ZNF728: variants seen among roughly 807,000 people sequenced by gnomAD.
ZNF728 encodes the protein zinc finger protein 728.
ZNF728 carries 12 observed loss-of-function variants against 12.5 expected under a neutral mutation model. The ratio of observed to expected loss-of-function variants is 0.96; its 90% CI spans 0.61 to 1.55. The LOEUF is 1.55. Ranked by LOEUF, ZNF728 falls within the 40% of genes most tolerant of loss-of-function variation. The probability of loss-of-function intolerance (pLI) is 0.00; values close to 1 mark genes in which losing one functional copy is unlikely to be tolerated. For missense variants in ZNF728, 692 were observed against 719.2 expected (o/e 0.96, Z 0.43); for synonymous variants, 205 against 240.7 (o/e 0.85, Z 1.37).
intron 2 of ZNF728, 72 bp downstream of exon 2, chr19:22,988,253 A>C (rs1203265885): frequency 3.1e-6 from 5 of 1,609,104 alleles, no homozygotes; most frequent in Non-Finnish European, 4.2e-6. Context: ...TCCTTTGTCC[A>C]GGCCAATAAA....
chr19:22,983,545 A>G (rs1968882688), intron 3 of ZNF728, among the ~76,000 whole-genome samples: 1 of 152,196 alleles, frequency 6.6e-6, no homozygotes, highest in African/African-American at 2.4e-5. Context: ...TACTATAAAG[A>G]CACATGCATG....
chr19:22,988,195 C>A lies in ZNF728; in HGVS notation c.130+130G>T, dbSNP rs1440948022. 3.3e-6 allele frequency: 5 copies of A among 1,519,880 alleles called. 1 individual carries two copies. The South Asian group carries it at 6.5e-5, about 20-fold the overall frequency. 94.1% of individuals were successfully genotyped at this position (1,519,880 alleles called of 1,614,324 possible). A position where few individuals can be genotyped will look rare whatever the true frequency, so the allele number is the denominator to read the frequency against. On this transcript the variant is annotated intron_variant, in intron 2 of 3. Transcript: ENST00000594710. ...CTAGAAGCAAAGAGCCCCCTGGTGC[C>A]GTCTTCCAAATATACTCTTTTGTCT...
chr19:22,997,501 C>T lies in ZNF728; in HGVS notation c.3+5527G>A, dbSNP rs991209365. ...ACAAAATACCAGAATCCCTGCAATA[C>T]AGCTAAGGCAGTGTTAAAAGAAAAA... On this transcript the variant is annotated intron_variant, in intron 1 of 3. Transcript: ENST00000594710. 1.6e-4 allele frequency among the ~76,000 whole-genome samples: 25 copies of T among 152,144 alleles called. 1 individual carries two copies. The highest frequency in any genetic ancestry group is 6.0e-4 in the African/African-American group (25 of 41,436).
At chr19:23,001,994 G>A (rs968794206) in intron 1 of ZNF728, among the ~76,000 whole-genome samples, 4 of 152,150 alleles carry the variant, frequency 2.6e-5, no homozygotes, top group African/African-American at 7.2e-5. Flanking sequence ...AGACTGAGGA[G>A]GCTGTAGTTC....
chr19:22,986,829 T>G (rs1280798765), intron 3 of ZNF728, among the ~76,000 whole-genome samples: 2 of 152,000 alleles, frequency 1.3e-5, no homozygotes, highest in African/African-American at 4.8e-5. Context: ...ACTTTATAAT[T>G]TCAAACTATA....
Position 22,976,344 on chromosome 19 carries a change from C to T in ZNF728, c.993G>A (p.Lys331=). 6.2e-7 allele frequency: 1 copy of T among 1,613,268 alleles called. No individual in the cohort carries two copies. The highest frequency in any genetic ancestry group is 8.5e-7 in the Non-Finnish European group (1 of 1,179,902). ...AGGGCTTCTCTCCAGTATGAATTCT[C>T]TTATGTTCCATAAGGTTTGAGGACC... The part of the protein sequence containing the change: ...FNRSSNLMEH[K]RIHTGEKPCK... The change falls in exon 4 of 4, where the codon AAG becomes AAA. Residue 331 remains lysine, a synonymous_variant. Coordinates refer to ENST00000594710, the MANE Select transcript of ZNF728 (RefSeq NM_001267716.2).
At chr19:22,987,142 G>C (rs552668451) in intron 3 of ZNF728, among the ~76,000 whole-genome samples, 166 bp downstream of exon 3, 1 of 152,212 alleles carries the variant, frequency 6.6e-6, no homozygotes, top group African/African-American at 2.4e-5. Context: ...AAAAGCATAA[G>C]ACAGAAGATG....
intron 1 of ZNF728, among the ~76,000 whole-genome samples, chr19:22,990,082 G>GA (rs545787005): frequency 3.3e-5 from 5 of 151,958 alleles, no homozygotes; most frequent in Admixed American, 6.6e-5. Context: ...CTGGTATATA[G>GA]AAAAAAATAT....
chr19:23,002,019 T>A (rs959489269), intron 1 of ZNF728, among the ~76,000 whole-genome samples: 1 of 152,128 alleles, frequency 6.6e-6, no homozygotes, highest in Non-Finnish European at 1.5e-5. Flanking sequence ...TTTCTACTTT[T>A]AAAAAATCTA....
At chr19:22,987,245 G>C (rs1968926061) in intron 3 of ZNF728, 63 bp downstream of exon 3, 1 of 1,473,584 alleles carries the variant, frequency 6.8e-7, no homozygotes, top group Non-Finnish European at 9.2e-7. Flanking sequence ...ATCACTTTAA[G>C]GACTGGCTTT....
chr19:22,976,403 AGG>A lies in ZNF728; in HGVS notation c.932_933del (p.Pro311LeufsTer4). The A allele has an allele frequency of 6.2e-7, 1 of 1,613,286 alleles. No homozygotes were observed. Among genetic ancestry groups the A allele is most frequent in the Non-Finnish European group, 8.5e-7 (1 of 1,179,932 alleles). On this transcript the variant is annotated frameshift_variant, in exon 4 of 4. Transcript: ENST00000594710. LOFTEE classifies it low-confidence loss of function (END_TRUNC). ...GCTTTGCCACATTCTTCACATTTGT[AGG>A]GTTTCTCTCCAGCATGAATTGTCTT... ...AHKTIHAGEK[P>X]YKCEECGKAF...
At chr19:23,000,295 G>A (rs565444274) in intron 1 of ZNF728, among the ~76,000 whole-genome samples, 2 of 151,466 alleles carry the variant, frequency 1.3e-5, no homozygotes, top group Admixed American at 6.6e-5. Flanking sequence ...GGAGAATGGC[G>A]TAAACCCTGG....
At chr19:22,982,718 G>C (rs892892467) in intron 3 of ZNF728, among the ~76,000 whole-genome samples, 1 of 151,928 alleles carries the variant, frequency 6.6e-6, no homozygotes, top group Non-Finnish European at 1.5e-5. Flanking sequence ...CAGATCTACA[G>C]CCATCTGATC....
At chr19:22,978,274 A>G (rs992572671) in intron 3 of ZNF728, among the ~76,000 whole-genome samples, 10 of 151,380 alleles carry the variant, frequency 6.6e-5, no homozygotes, top group South Asian at 2.1e-4. Flanking sequence ...ACAGGCCAGA[A>G]GAGAACTGTG....
chr19:22,997,145 C>T (rs1969058629), intron 1 of ZNF728, among the ~76,000 whole-genome samples: 1 of 152,088 alleles, frequency 6.6e-6, no homozygotes, highest in Admixed American at 6.6e-5. Context: ...CAACACTTGA[C>T]CAAATAGTCC....
At chr19:22,998,445 C>T (rs289287) in intron 1 of ZNF728, among the ~76,000 whole-genome samples, 51,044 of 151,904 alleles carry the variant, frequency 0.34, 11,926 homozygotes, top group African/African-American at 0.67. Context: ...TAGAAGAGGA[C>T]TGCTTGAGCC....
chr19:22,986,636 A>C (rs1470593491), intron 3 of ZNF728, among the ~76,000 whole-genome samples: 1 of 152,148 alleles, frequency 6.6e-6, no homozygotes, highest in African/African-American at 2.4e-5. Flanking sequence ...ATCGATTCAA[A>C]GAATAAATGT....
chr19:22,989,656 A>G (rs1358649462), intron 1 of ZNF728, among the ~76,000 whole-genome samples: 3 of 152,234 alleles, frequency 2.0e-5, no homozygotes, highest in Admixed American at 6.5e-5. Context: ...AAGGTAAATT[A>G]TAGTCTGAAT....
Position 22,988,344 on chromosome 19 carries a change from G to A in ZNF728, c.111C>T (p.Tyr37=), listed in dbSNP as rs531632206. ...TCTCACCCAGGAAGACCAGGTTTCT[G>A]TAGTTCTCTAACATCACATTCCTAT... The part of the protein sequence containing the change: ...NLYRNVMLEN[Y]RNLVFLGIAA... Residue 37 remains tyrosine, a synonymous_variant, in exon 2 of 4, where the codon TAC becomes TAT. Transcript: ENST00000594710. The A allele has an allele frequency of 2.5e-5, 41 of 1,614,152 alleles. 2 individuals carry two copies. The highest frequency in any genetic ancestry group is 2.5e-4 in the South Asian group (23 of 91,088).
Sources: allele counts gnomAD v4.1 joint callset (sites outside exome capture counted in the v4.1 genomes callset), GRCh38; gene constraint gnomAD v4.1.1; transcripts MANE v1.5; gene names NCBI Gene and HGNC (gene_info 2026-07-23, HGNC 2026-07-21).